Variants in HELZ2 observed in about 807,000 individuals in gnomAD.
HELZ2 encodes helicase with zinc finger 2.
In HELZ2, 143 loss-of-function variants were observed where a neutral mutation model predicts 208.8. The observed-to-expected ratio is 0.68, with a 90% CI of 0.60 to 0.79. The LOEUF (loss-of-function observed/expected upper bound fraction) is 0.79, where lower values mean the gene tolerates loss of function less well. Among genes scored for constraint, HELZ2 ranks in the 30% least tolerant of loss-of-function variants. The pLI, the probability that HELZ2 is intolerant of heterozygous loss-of-function variation, is 0.00. For missense variants in HELZ2, 3,690 were observed against 3,794.5 expected (o/e 0.97, Z 0.72); for synonymous variants, 1,705 against 1,693.7 (o/e 1.01, Z -0.16).
rs777036815 is a variant in HELZ2 at position 63,562,167 on chromosome 20, T to C, written c.6434A>G (p.Asn2145Ser). The change falls in exon 10 of 19, where the codon AAC becomes AGC. Residue 2145 changes from asparagine to serine, a missense_variant. Around this residue, in one of 3 missense-constraint regions of HELZ2, gnomAD observed 2,564 missense variants for 2,580.5 expected, o/e 0.99. Coordinates refer to ENST00000467148, the Ensembl canonical transcript of HELZ2. ...CAGCTTGTGGCGGCCTCCGGGGATG[T>C]TGTAGGTCTGCCGCTCCAGGAACCT... 4.3e-6 allele frequency: 7 copies of C among 1,611,990 alleles called. No individual in the cohort carries two copies. The East Asian group carries it at 1.3e-4, about 31-fold the overall frequency.
rs770165241 is a variant in HELZ2, at chr20:63,562,278, G to A, written c.6397+10C>T. 1.1e-5 allele frequency: 17 copies of A among 1,596,674 alleles called. No homozygotes were observed. The highest frequency in any genetic ancestry group is 2.2e-5 in the East Asian group (1 of 44,492). Reference sequence around the variant, plus strand: ...CCAGAGGGGAAGCTGGAGGGGTGGGGCAGACCTACCTCTGCAGAGGGGCTG... The same window carrying A: ...CCAGAGGGGAAGCTGGAGGGGTGGGACAGACCTACCTCTGCAGAGGGGCTG... On this transcript the variant is annotated intron_variant, in intron 9 of 18. Transcript: ENST00000467148.
chr20:63,564,130 C>G (rs1331212938), exon 8 of HELZ2: 2 of 1,611,730 alleles, frequency 1.2e-6, no homozygotes, highest in Non-Finnish European at 1.7e-6. Context: ...CACACAGGGC[C>G]TTGAGCTGCT....
chr20:63,569,506 C>G (rs1445229504), exon 4 of HELZ2: 4 of 1,610,964 alleles, frequency 2.5e-6, no homozygotes, highest in Non-Finnish European at 3.4e-6. Context: ...CCGAACGAGG[C>G]AGCCTGCACA....
In HELZ2 at chr20:63,560,779, A is replaced by C; in HGVS notation, c.7281+16T>G. ...GGGGCTGCAGGTGGGCTGGGGGCTG[A>C]GTGGGGCGGGCTCACCATGCGGTAC... On this transcript the variant is annotated intron_variant, in intron 15 of 18. Transcript: ENST00000467148. The C allele has an allele frequency of 6.2e-7, 1 of 1,607,236 alleles. No individual in the cohort carries two copies.
chr20:63,570,491 G>A lies in HELZ2; in HGVS notation c.570+13C>T, dbSNP rs1034737440. On this transcript the variant is annotated intron_variant, in intron 3 of 18. Transcript: ENST00000467148. ...GGGCTCCCTCCGCCCAGTCGGAGCT[G>A]TTCTCCGCTCACCTCAGAGTGGACG... 1 of 1,608,820 alleles carries A rather than the reference G, an allele frequency of 6.2e-7. No individual in the cohort carries two copies. Among genetic ancestry groups the A allele is most frequent in the Non-Finnish European group, 8.5e-7 (1 of 1,176,264 alleles).
chr20:63,564,551 C>T (rs2082927296), exon 8 of HELZ2: 16 of 1,569,816 alleles, frequency 1.0e-5, no homozygotes, highest in Middle Eastern at 1.7e-4. Context: ...GATGGCCAGG[C>T]GGTCCCGGCC....
chr20:63,559,676 CGGAGTCAGGGTCAGGTGGGA>C (rs1555888282), intron 18 of HELZ2, among the ~76,000 whole-genome samples: 2 of 72,710 alleles, frequency 2.8e-5, no homozygotes, highest in Non-Finnish European at 6.0e-5. Flanking sequence ...AGGGTCAGGT[CGGAGTCAGGGTCAGGTGGGA>C]GGAGTCAGGG....
chr20:63,563,043 C>T, exon 8 of HELZ2: 1 of 1,599,736 alleles, frequency 6.3e-7, no homozygotes, highest in Non-Finnish European at 8.5e-7. Flanking sequence ...GCCCGGTACA[C>T]ACGGCCTGAG....
At chr20:63,560,431 C>T (rs1272000576) in intron 16 of HELZ2, 48 bp downstream of exon 17, 1 of 1,597,868 alleles carries the variant, frequency 6.3e-7, no homozygotes, top group Non-Finnish European at 8.5e-7. Flanking sequence ...CCACCTCAGC[C>T]ACCTCCTCCA....
Position 63,565,420 on chromosome 20 carries a change from G to GA in HELZ2, c.3401dup (p.Val1135ArgfsTer37). 1 of 1,611,020 alleles carries GA rather than the reference G, an allele frequency of 6.2e-7. No homozygotes were observed. On this transcript the variant is annotated frameshift_variant, in exon 8 of 19. Coordinates refer to ENST00000467148, the Ensembl canonical transcript of HELZ2. LOFTEE classifies it high-confidence loss of function. ...ACGCCCGCTCGAAGGTCTCTGGCACGAAAGAGCAGTGGCGGTACCGCTCGG... is the reference window on the plus strand; with the variant it reads ...ACGCCCGCTCGAAGGTCTCTGGCACGAAAAGAGCAGTGGCGGTACCGCTCGG...
chr20:63,568,936 G>A, exon 5 of HELZ2: 1 of 1,608,066 alleles, frequency 6.2e-7, no homozygotes, highest in Non-Finnish European at 8.5e-7. Context: ...GAGGCGCGAA[G>A]AGCATGTTCA....
exon 8 of HELZ2, chr20:63,562,712 G>A (rs2082902507): frequency 1.2e-6 from 2 of 1,601,054 alleles, no homozygotes; most frequent in East Asian, 4.5e-5. Context: ...ATACGTGCCG[G>A]GGTCAACATT....
chr20:63,567,861 C>T, intron 5 of HELZ2: 1 of 814,786 alleles, frequency 1.2e-6, no homozygotes, highest in Non-Finnish European at 1.9e-6. Context: ...CTGCAGACAC[C>T]TGCACCTCCC....
In HELZ2 at chr20:63,565,385, G is replaced by A. The variant is rs778726615; in HGVS notation, c.3437C>T (p.Pro1146Leu). Residue 1146 changes from proline to leucine, a missense_variant, in exon 8 of 19, where the codon CCG becomes CTG. By Grantham distance (98) the Pro-to-Leu change is moderately conservative. Around this residue, in one of 3 missense-constraint regions of HELZ2, gnomAD observed 2,564 missense variants for 2,580.5 expected, o/e 0.99. Transcript: ENST00000467148. ...GGGGCCCGAGGAGGCATCGTCCAGCGGGATGGCTGACGCCCGCTCGAAGGT... is the reference window on the plus strand; with the variant it reads ...GGGGCCCGAGGAGGCATCGTCCAGCAGGATGGCTGACGCCCGCTCGAAGGT... 2.2e-5 allele frequency: 35 copies of A among 1,609,450 alleles called. No individual in the cohort carries two copies. In the Admixed American group the frequency reaches 2.7e-4, roughly 12 times the overall value.
upstream of HELZ2, chr20:63,572,517 T>G: frequency 9.7e-7 from 1 of 1,030,728 alleles, no homozygotes; most frequent in Non-Finnish European, 1.4e-6. Context: ...AACTGTTGCT[T>G]GCGGCGGCCC....
chr20:63,574,014 C>T (rs899092217), upstream of HELZ2, among the ~76,000 whole-genome samples: 5 of 152,036 alleles, frequency 3.3e-5, no homozygotes, highest in Non-Finnish European at 5.9e-5. Flanking sequence ...TGCACTGCCC[C>T]GGGCTGGGTC....
At chr20:63,568,955 G>A (rs1462654717) in exon 5 of HELZ2, 12 of 1,605,272 alleles carry the variant, frequency 7.5e-6, no homozygotes, top group East Asian at 2.2e-5. Context: ...CAGCGCTGGC[G>A]TCTGCAATGC....
rs117986816 is a variant in HELZ2 at position 63,564,743 on chromosome 20, C to T, written c.4079G>A (p.Arg1360Gln). ...CACCTCGCACCTGGGACCCAGGTCT[C>T]GGACACTGAGGGCATCATCGAGGTT... Residue 1360 changes from arginine (R) to glutamine (Q), a missense_variant, in exon 8 of 19, where the codon CGA becomes CAA. Coordinates refer to ENST00000467148, the Ensembl canonical transcript of HELZ2. 1.6e-4 allele frequency: 255 copies of T among 1,611,560 alleles called. No homozygotes were observed. In the East Asian group the frequency reaches 4.0e-3, roughly 25 times the overall value.
Position 63,569,410 on chromosome 20 carries a change from G to A in HELZ2, c.826C>T (p.Arg276Cys), listed in dbSNP as rs780031457. 209 of 1,608,142 alleles carry A rather than the reference G, an allele frequency of 1.3e-4. No homozygotes were observed. Among genetic ancestry groups the A allele is most frequent in the South Asian group, 2.1e-4 (19 of 90,866 alleles). ...GCCAGATTCCTGCAGGGTCCTGGGC[G>A]ACGCCCCTGGCCCAGCTGCAGCCCC... Residue 276 changes from arginine (R) to cysteine (C), a missense_variant, in exon 4 of 19, where the codon CGC becomes TGC. Around this residue, in one of 3 missense-constraint regions of HELZ2, gnomAD observed 1,119 missense variants for 1,193.4 expected, o/e 0.94. Coordinates refer to ENST00000467148, the Ensembl canonical transcript of HELZ2.
Sources: allele counts gnomAD v4.1 joint callset (sites outside exome capture counted in the v4.1 genomes callset), GRCh38; gene constraint gnomAD v4.1.1; regional missense constraint gnomAD v4.1.1; transcripts MANE v1.5; gene names NCBI Gene and HGNC (gene_info 2026-07-23, HGNC 2026-07-21).